The following KLF12 variants were observed in gnomAD, a reference collection of about 807,000 sequenced individuals.
The protein encoded by KLF12 is Krueppel-like factor 12.
In KLF12, 9 loss-of-function variants were observed where a neutral mutation model predicts 37.8. The observed-to-expected ratio is 0.24, with a 90% CI of 0.14 to 0.42. The LOEUF is 0.42. KLF12 is among the 10% of genes least tolerant of loss of function. KLF12 has a pLI of 1.00. For synonymous variants in KLF12, 208 were observed against 202.1 expected (o/e 1.03, Z -0.25); for missense variants, 411 against 516.0 (o/e 0.80, Z 1.97).
chr13:73,712,137 G>A (rs1041588989), intron 7 of KLF12, among the ~76,000 whole-genome samples: 1 of 152,016 alleles, frequency 6.6e-6, no homozygotes, highest in Non-Finnish European at 1.5e-5. Flanking sequence ...TCGGGAGTTC[G>A]AGACCAGCCT....
At chr13:74,268,802 A>T in the KLF12 span, among the ~76,000 whole-genome samples, 2 of 152,198 alleles carry the variant, frequency 1.3e-5, no homozygotes, top group Non-Finnish European at 2.9e-5. Context: ...AGATGAATGC[A>T]TCCACCAGGC....
At chr13:73,892,572 G>C (rs532883942) in intron 3 of KLF12, among the ~76,000 whole-genome samples, 1 of 152,230 alleles carries the variant, frequency 6.6e-6, no homozygotes, top group African/African-American at 2.4e-5. Context: ...CTCTTATTTT[G>C]CTTAAGGTTG....
Position 73,885,252 on chromosome 13 carries a change from CCT to C in KLF12, c.124-38881_124-38880del, listed in dbSNP as rs201532624. 7.9e-3 allele frequency among the ~76,000 whole-genome samples: 1,209 copies of C among 152,316 alleles called. 44 individuals carry two copies. Among genetic ancestry groups the C allele is most frequent in the Admixed American group, 0.054 (831 of 15,300 alleles). The stretch of plus-strand genomic sequence containing the variant: ...AGCCATCTCCTCTTACAATCTTCCC[CCT>C]GTCATTTTTGCATCAACACCTACCT... On this transcript the variant is annotated intron_variant, in intron 3 of 7. Coordinates refer to ENST00000377669, the MANE Select transcript of KLF12 (RefSeq NM_007249.5).
chr13:74,093,165 G>T (rs60924711), intron 1 of KLF12, among the ~76,000 whole-genome samples: 7,077 of 152,248 alleles, frequency 0.046, 538 homozygotes, highest in African/African-American at 0.16. Context: ...ACTTAAGCCT[G>T]CCTGAGTTCA....
chr13:73,838,461 A>T (rs1406342831), intron 4 of KLF12, among the ~76,000 whole-genome samples: 1 of 152,208 alleles, frequency 6.6e-6, no homozygotes. Flanking sequence ...TTGCACACCC[A>T]AATTGGATTA....
At chr13:74,059,942 G>T (rs760330989) in intron 1 of KLF12, among the ~76,000 whole-genome samples, 7 of 152,110 alleles carry the variant, frequency 4.6e-5, no homozygotes, top group African/African-American at 7.2e-5. Context: ...TTTGTATATG[G>T]TGAGAGACAG....
At chr13:73,914,443 T>C (rs902222178) in intron 3 of KLF12, among the ~76,000 whole-genome samples, 2 of 152,218 alleles carry the variant, frequency 1.3e-5, no homozygotes, top group African/African-American at 4.8e-5. Context: ...CTGAGAATAG[T>C]ACACATAGCA....
chr13:73,850,453 G>A (rs535089479), intron 3 of KLF12, among the ~76,000 whole-genome samples: 1 of 152,226 alleles, frequency 6.6e-6, no homozygotes, highest in South Asian at 2.1e-4. Flanking sequence ...GTTATCTATT[G>A]CTATCAACTG....
the KLF12 span, among the ~76,000 whole-genome samples, chr13:74,228,495 G>C: frequency 7.2e-5 from 11 of 152,202 alleles, no homozygotes; most frequent in African/African-American, 2.6e-4. Context: ...TAGACCAGTT[G>C]CATCACTTTG....
At chr13:73,887,976 T>C (rs768047342) in intron 3 of KLF12, among the ~76,000 whole-genome samples, 3 of 152,286 alleles carry the variant, frequency 2.0e-5, no homozygotes, top group Admixed American at 6.5e-5. Context: ...ATATTGATCA[T>C]TGTATTTATG....
intron 1 of KLF12, among the ~76,000 whole-genome samples, chr13:74,058,124 G>A (rs1593864165): frequency 6.6e-6 from 1 of 151,366 alleles, no homozygotes; most frequent in African/African-American, 2.4e-5. Flanking sequence ...GCACCATCAC[G>A]CCCAGCTAAT....
At chr13:74,074,839 A>G (rs1874473575) in intron 1 of KLF12, among the ~76,000 whole-genome samples, 1 of 152,178 alleles carries the variant, frequency 6.6e-6, no homozygotes, top group Non-Finnish European at 1.5e-5. Flanking sequence ...AAGGGGAAAA[A>G]GACAGACAAA....
intron 1 of KLF12, among the ~76,000 whole-genome samples, chr13:74,074,743 G>C (rs1284061595): frequency 3.9e-5 from 6 of 152,174 alleles, no homozygotes; most frequent in South Asian, 2.1e-4. Flanking sequence ...GAGGATTCAT[G>C]GAGAAGGGAT....
At chr13:74,035,520 C>T (rs1296914162) in intron 1 of KLF12, among the ~76,000 whole-genome samples, 1 of 152,146 alleles carries the variant, frequency 6.6e-6, no homozygotes, top group East Asian at 1.9e-4. Flanking sequence ...ATTCATAGTA[C>T]ATTTTTTTGT....
intron 3 of KLF12, among the ~76,000 whole-genome samples, chr13:73,939,417 T>C (rs1395313216): frequency 3.9e-5 from 6 of 152,208 alleles, no homozygotes; most frequent in Non-Finnish European, 8.8e-5. Flanking sequence ...GTTATTGACA[T>C]TATTTTTTGT....
the KLF12 span, among the ~76,000 whole-genome samples, chr13:74,141,255 A>G: frequency 6.6e-6 from 1 of 152,218 alleles, no homozygotes; most frequent in Non-Finnish European, 1.5e-5. Context: ...CTTATATTTC[A>G]TTCCTTAATT....
intron 7 of KLF12, among the ~76,000 whole-genome samples, chr13:73,705,396 C>T (rs1874860053): frequency 6.6e-6 from 1 of 152,154 alleles, no homozygotes; most frequent in African/African-American, 2.4e-5. Context: ...GCCTCAGACT[C>T]CTGAGTAGCT....
chr13:74,282,940 A>C, the KLF12 span, among the ~76,000 whole-genome samples: 1 of 152,176 alleles, frequency 6.6e-6, no homozygotes, highest in Non-Finnish European at 1.5e-5. Context: ...CTCTATGCTC[A>C]TATTTTGATT....
intron 1 of KLF12, among the ~76,000 whole-genome samples, chr13:73,999,938 T>C (rs74963163): frequency 0.015 from 2,320 of 152,244 alleles, 45 homozygotes; most frequent in East Asian, 0.062. Flanking sequence ...AGATCTAGCT[T>C]TGAAAGCCAG....
Sources: gnomAD v4.1 joint callset for allele counts (sites outside exome capture counted in the v4.1 genomes callset) on GRCh38, gnomAD v4.1.1 for gene constraint, MANE v1.5 for transcripts, NCBI Gene and HGNC (gene_info 2026-07-23, HGNC 2026-07-21) for gene names.